SCN8A: variants seen among roughly 807,000 people sequenced by gnomAD.
The protein encoded by SCN8A is sodium channel protein type 8 subunit alpha.
Under a neutral mutation model 184.1 loss-of-function variants are expected in SCN8A, and 30 were observed. That is an observed-to-expected ratio of 0.16 (90% CI 0.12 to 0.22). The LOEUF (loss-of-function observed/expected upper bound fraction) is 0.22. Ranked by LOEUF, SCN8A falls within the 10% of genes least tolerant of loss-of-function variation. SCN8A has a pLI of 1.00. For synonymous variants in SCN8A, 852 were observed against 907.0 expected (o/e 0.94, Z 1.09); for missense variants, 1,057 against 2,498.9 (o/e 0.42, Z 12.30).
intron 26 of SCN8A, among the ~76,000 whole-genome samples, chr12:51,805,171 C>G (rs1270670146): frequency 1.3e-5 from 2 of 152,102 alleles, no homozygotes; most frequent in Admixed American, 6.5e-5. Flanking sequence ...AAAGGGACTA[C>G]CACTCAATTG....
At chr12:51,638,032 A>G (rs1280718797) in intron 1 of SCN8A, among the ~76,000 whole-genome samples, 1 of 152,156 alleles carries the variant, frequency 6.6e-6, no homozygotes, top group African/African-American at 2.4e-5. Flanking sequence ...CTTAAGAATT[A>G]TACTAGATCT....
At chr12:51,752,523 A>G (rs1295358218) in intron 14 of SCN8A, among the ~76,000 whole-genome samples, 1 of 152,198 alleles carries the variant, frequency 6.6e-6, no homozygotes, top group Non-Finnish European at 1.5e-5. Flanking sequence ...CTCAAAACAC[A>G]TGGCAAAGAG....
intron 24 of SCN8A, 62 bp downstream of exon 24, chr12:51,789,480 C>A: frequency 6.6e-7 from 1 of 1,524,796 alleles, no homozygotes; most frequent in Non-Finnish European, 9.0e-7. Context: ...GCACCTTTGT[C>A]CCTATCTCTA....
intron 11 of SCN8A, among the ~76,000 whole-genome samples, chr12:51,717,323 C>T (rs1941982290): frequency 6.6e-6 from 1 of 152,212 alleles, no homozygotes; most frequent in Non-Finnish European, 1.5e-5. Context: ...TGGTAAAGGA[C>T]TCATTTCTAT....
Position 51,706,715 on chromosome 12 carries a change from G to T in SCN8A, c.1635G>T (p.Gln545His). 6.6e-7 allele frequency: 1 copy of T among 1,517,858 alleles called. No individual in the cohort carries two copies. Among genetic ancestry groups the T allele is most frequent in the South Asian group, 1.4e-5 (1 of 71,808 alleles). The allele number at this position is 1,517,858 out of a possible 1,614,324, so 94.0% of individuals were successfully genotyped here. ...RIGRKFSIMN[Q>H]SLLSIPGSPF... ...GGAGGAAATTTTCCATCATGAATCA[G>T]GTAAACTCTTCTTTTTTCTATACCT... Residue 545 changes from glutamine (Q) to histidine (H), a missense_variant and splice_region_variant, in exon 11 of 27, where the codon CAG becomes CAT. Gln to His is a conservative substitution (Grantham distance 24). Coordinates refer to ENST00000627620, the MANE Select transcript of SCN8A (RefSeq NM_001330260.2).
intron 2 of SCN8A, among the ~76,000 whole-genome samples, chr12:51,679,788 CA>C (rs1397937313): frequency 1.5e-5 from 2 of 135,896 alleles, no homozygotes; most frequent in Non-Finnish European, 3.0e-5. Context: ...TGCAGTGGTG[CA>C]ATCTTGGCTC....
At chr12:51,655,477 G>C (rs1940804215) in intron 1 of SCN8A, among the ~76,000 whole-genome samples, 1 of 151,896 alleles carries the variant, frequency 6.6e-6, no homozygotes, top group Admixed American at 6.6e-5. Flanking sequence ...TAACTCCTGG[G>C]CTCAAGTGAT....
chr12:51,764,742 G>T (rs1420335533), intron 15 of SCN8A, among the ~76,000 whole-genome samples: 2 of 151,058 alleles, frequency 1.3e-5, no homozygotes, highest in Non-Finnish European at 2.9e-5. Context: ...GGTACTAAAA[G>T]TTCTGTCCTC....
chr12:51,758,581 G>A (rs1483969311), intron 14 of SCN8A, among the ~76,000 whole-genome samples: 1 of 152,106 alleles, frequency 6.6e-6, no homozygotes. Flanking sequence ...GGGATTATAG[G>A]TGCCCGCCAC....
chr12:51,677,745 C>T (rs1366519503), intron 2 of SCN8A, among the ~76,000 whole-genome samples: 1 of 152,210 alleles, frequency 6.6e-6, no homozygotes, highest in Non-Finnish European at 1.5e-5. Flanking sequence ...TTTATTAATA[C>T]TCCATGCCAT....
chr12:51,763,035 C>CT (rs1169553470), intron 15 of SCN8A, among the ~76,000 whole-genome samples: 3 of 152,148 alleles, frequency 2.0e-5, no homozygotes, highest in Non-Finnish European at 4.4e-5. Flanking sequence ...GCTAGTGAAT[C>CT]TATTTTTTTA....
chr12:51,712,448 C>T (rs1592398002), intron 11 of SCN8A: 2 of 766,616 alleles, frequency 2.6e-6, no homozygotes, highest in Non-Finnish European at 4.8e-6. Flanking sequence ...AACTGTAGCC[C>T]TTTTCTGCTG....
intron 1 of SCN8A, among the ~76,000 whole-genome samples, chr12:51,638,355 C>A (rs1940364582): frequency 6.6e-6 from 1 of 152,174 alleles, no homozygotes; most frequent in Non-Finnish European, 1.5e-5. Context: ...AGTGATTTAT[C>A]TGATGGATCT....
rs1279876318 is a variant in SCN8A, at chr12:51,811,342, T to G, written c.*3913T>G. ...TGTGGCATTCCCCACTACTGGCCGGTGCTTAGAGGCCCATAAAACCTCTCT... is the reference window on the plus strand; with the variant it reads ...TGTGGCATTCCCCACTACTGGCCGGGGCTTAGAGGCCCATAAAACCTCTCT... On this transcript the variant is annotated 3_prime_UTR_variant, in exon 27 of 27. Coordinates refer to ENST00000627620, the MANE Select transcript of SCN8A (RefSeq NM_001330260.2). The G allele has an allele frequency of 6.7e-6, 1 of 149,194 alleles. No individual in the cohort carries two copies. Among genetic ancestry groups the G allele is most frequent in the East Asian group, 1.9e-4 (1 of 5,190 alleles). 9.2% of individuals were successfully genotyped at this position (149,194 alleles called of 1,614,324 possible). A position where few individuals can be genotyped will look rare whatever the true frequency, so the allele number is the denominator to read the frequency against.
At chr12:51,667,727 T>C (rs1048301200) in intron 2 of SCN8A, among the ~76,000 whole-genome samples, 1 of 152,210 alleles carries the variant, frequency 6.6e-6, no homozygotes, top group African/African-American at 2.4e-5. Context: ...AACAAGGCCT[T>C]CAGAATTGAC....
chr12:51,773,327 C>T (rs141989457), intron 19 of SCN8A, among the ~76,000 whole-genome samples: 52 of 152,302 alleles, frequency 3.4e-4, no homozygotes, highest in African/African-American at 1.2e-3. Context: ...TATAGTCCAC[C>T]ACTCTGCAGA....
At chr12:51,659,780 GA>G (rs1163517564) in intron 1 of SCN8A, among the ~76,000 whole-genome samples, 1 of 152,190 alleles carries the variant, frequency 6.6e-6, no homozygotes, top group African/African-American at 2.4e-5. Context: ...AGAGCAATTG[GA>G]AAGGCTGATG....
rs569170934 is a variant in SCN8A, at chr12:51,732,953, G to C, written c.1998+11045G>C. Among the ~76,000 whole-genome samples, 13 of 152,214 alleles carry C rather than the reference G, an allele frequency of 8.5e-5. No individual in the cohort carries two copies. The South Asian group carries it at 2.7e-3, about 32-fold the overall frequency. On this transcript the variant is annotated intron_variant, in intron 12 of 26. Coordinates refer to ENST00000627620, the MANE Select transcript of SCN8A (RefSeq NM_001330260.2). ...AATTTATCAGTTCTAAGAGTTTTCT[G>C]GTGGAGTCTTTGGATTTTTCTCAGT... is the stretch of plus-strand genomic sequence containing the variant.
intron 14 of SCN8A, among the ~76,000 whole-genome samples, chr12:51,752,361 G>C (rs972207617): frequency 6.6e-6 from 1 of 152,000 alleles, no homozygotes; most frequent in Non-Finnish European, 1.5e-5. Flanking sequence ...AATGATTTGA[G>C]CATGATTTCT....
Sources: gnomAD v4.1 joint callset for allele counts (sites outside exome capture counted in the v4.1 genomes callset) on GRCh38, gnomAD v4.1.1 for gene constraint, MANE v1.5 for transcripts, NCBI Gene and HGNC (gene_info 2026-07-23, HGNC 2026-07-21) for gene names.